The following WWP2 variants were observed in gnomAD, a reference collection of about 807,000 sequenced individuals.
WWP2 encodes WW domain containing E3 ubiquitin protein ligase 2.
A neutral mutation model predicts 121.0 loss-of-function variants in WWP2; 57 were observed. The ratio of observed to expected loss-of-function variants is 0.47; its 90% CI spans 0.38 to 0.59. The LOEUF is 0.59. Among genes scored for constraint, WWP2 ranks in the 20% least tolerant of loss-of-function variants. The probability of loss-of-function intolerance (pLI) is 0.00; values close to 1 mark genes in which losing one functional copy is unlikely to be tolerated. For synonymous variants in WWP2, 449 were observed against 441.3 expected, an observed-to-expected ratio of 1.02 and a Z score of -0.22; for missense variants, 962 against 1,158.9, an observed-to-expected ratio of 0.83 and a Z score of 2.47.
At chr16:69,855,393 G>C (rs949997001) in intron 6 of WWP2, among the ~76,000 whole-genome samples, 2 of 152,066 alleles carry the variant, frequency 1.3e-5, no homozygotes, top group Admixed American at 1.3e-4. Context: ...AAGCCCCCCT[G>C]ACCTGTCTGC....
chr16:69,779,943 A>G (rs576815836), intron 1 of WWP2, among the ~76,000 whole-genome samples: 1 of 152,242 alleles, frequency 6.6e-6, no homozygotes, highest in African/African-American at 2.4e-5. Context: ...TGAAGATAAC[A>G]AACAGTCATA....
chr16:69,775,401 G>A (rs2055503918), intron 1 of WWP2, among the ~76,000 whole-genome samples: 1 of 152,092 alleles, frequency 6.6e-6, no homozygotes, highest in Non-Finnish European at 1.5e-5. Context: ...CATGTTTTGG[G>A]GTAAGGTATC....
chr16:69,846,069 A>AAAAAAAAAAC, intron 6 of WWP2, among the ~76,000 whole-genome samples: 1 of 150,182 alleles, frequency 6.7e-6, no homozygotes, highest in Non-Finnish European at 1.5e-5. Flanking sequence ...AAAAAAAAAA[A>AAAAAAAAAAC]AGAATACTTA....
At chr16:69,917,947 C>G in intron 10 of WWP2, 64 bp downstream of exon 10, 1 of 1,566,984 alleles carries the variant, frequency 6.4e-7, no homozygotes. Flanking sequence ...TGTGCAGCCA[C>G]GTGTTCTCTG....
intron 4 of WWP2, among the ~76,000 whole-genome samples, chr16:69,826,571 C>CAA (rs762732099): frequency 7.0e-4 from 26 of 37,020 alleles, no homozygotes; most frequent in East Asian, 1.6e-3. Context: ...GACTCCGTCT[C>CAA]AAAAAAAAAA....
chr16:69,887,409 T>G (rs796704518), intron 7 of WWP2, among the ~76,000 whole-genome samples: 12 of 152,218 alleles, frequency 7.9e-5, no homozygotes, highest in African/African-American at 2.4e-4. Context: ...ACACTTTTTT[T>G]TTTTGAGACA....
intron 9 of WWP2, among the ~76,000 whole-genome samples, chr16:69,913,223 G>T (rs1418984058): frequency 2.0e-5 from 3 of 150,512 alleles, no homozygotes; most frequent in Non-Finnish European, 4.4e-5. Flanking sequence ...AGTAGAGATG[G>T]GGTTTCACCA....
intron 7 of WWP2, among the ~76,000 whole-genome samples, chr16:69,875,160 T>G (rs1190583712): frequency 6.6e-6 from 1 of 152,258 alleles, no homozygotes; most frequent in East Asian, 1.9e-4. Context: ...GCAAGTCACA[T>G]GAATTTTTTG....
At position 69,909,203 on chromosome 16, in the gene WWP2, G is replaced by A. The variant is rs146373988; in HGVS notation, c.1004+353G>A. The A allele has an allele frequency of 9.4e-4, 954 of 1,015,864 alleles. 12 individuals carry two copies. In the African/African-American group the frequency reaches 0.015, roughly 16 times the overall value. 62.9% of individuals were successfully genotyped at this position (1,015,864 alleles called of 1,614,324 possible). On this transcript the variant is annotated intron_variant, in intron 9 of 23. Coordinates refer to ENST00000359154, the MANE Select transcript of WWP2 (RefSeq NM_001270454.2). ...TTATCCAAAACCAAAGGATGAGAGAGGCTTCCAAGAGAGGGAAGACTGTCC... is the reference window on the plus strand; with the variant it reads ...TTATCCAAAACCAAAGGATGAGAGAAGCTTCCAAGAGAGGGAAGACTGTCC...
At chr16:69,855,257 T>C (rs1195422172) in intron 6 of WWP2, among the ~76,000 whole-genome samples, 2 of 152,264 alleles carry the variant, frequency 1.3e-5, no homozygotes, top group Non-Finnish European at 2.9e-5. Flanking sequence ...CCTTAACTTA[T>C]TGAAAATATA....
intron 1 of WWP2, among the ~76,000 whole-genome samples, chr16:69,769,795 T>G (rs558667341): frequency 1.3e-5 from 2 of 152,100 alleles, no homozygotes; most frequent in East Asian, 3.9e-4. Context: ...TATGATTTTG[T>G]GAAATATATA....
intron 6 of WWP2, among the ~76,000 whole-genome samples, chr16:69,858,691 T>C (rs1168552944): frequency 6.6e-6 from 1 of 152,132 alleles, no homozygotes; most frequent in Non-Finnish European, 1.5e-5. Flanking sequence ...AAGGTTAGTA[T>C]TGGAATCAGA....
intron 8 of WWP2, among the ~76,000 whole-genome samples, chr16:69,904,461 T>G (rs1306353229): frequency 6.6e-6 from 1 of 151,820 alleles, no homozygotes; most frequent in Non-Finnish European, 1.5e-5. Flanking sequence ...CTCCAACTCC[T>G]GGGCTCAAGT....
At chr16:69,784,289 G>A (rs1485311204) in intron 1 of WWP2, among the ~76,000 whole-genome samples, 2 of 151,790 alleles carry the variant, frequency 1.3e-5, no homozygotes, top group East Asian at 1.9e-4. Flanking sequence ...TAGTAGAGAC[G>A]AGGTTTCACC....
Position 69,937,086 on chromosome 16 carries a change from A to T in WWP2, c.2118-32A>T. On this transcript the variant is annotated intron_variant, in intron 19 of 23. Transcript: ENST00000359154. This position sits in a 1 kb window ranked among gnomAD's most constrained non-coding sequence, Gnocchi z 6.6. ...GAGCCACCCCTGAGCAGTGGGTCTC[A>T]GACTCCACCCATGGCTGCTCTTTGG... 6.2e-7 allele frequency: 1 copy of T among 1,611,080 alleles called. No homozygotes were observed. Among genetic ancestry groups the T allele is most frequent in the Non-Finnish European group, 8.5e-7 (1 of 1,178,250 alleles).
chr16:69,830,982 T>A (rs2056783823), intron 4 of WWP2, among the ~76,000 whole-genome samples: 1 of 152,148 alleles, frequency 6.6e-6, no homozygotes, highest in South Asian at 2.1e-4. Context: ...ATGTGTAGAA[T>A]GAACACGGGC....
intron 1 of WWP2, among the ~76,000 whole-genome samples, chr16:69,784,162 T>C (rs1473240798): frequency 4.2e-5 from 6 of 141,814 alleles, no homozygotes; most frequent in Non-Finnish European, 9.0e-5. Flanking sequence ...TGCAGTGGCA[T>C]GATCTCGGCG....
chr16:69,936,526 C>A, intron 19 of WWP2, 74 bp downstream of exon 19: 1 of 1,591,390 alleles, frequency 6.3e-7, no homozygotes, highest in Non-Finnish European at 8.6e-7. Context: ...AAAGATGGGC[C>A]CCCACCTGTG....
intron 1 of WWP2, among the ~76,000 whole-genome samples, chr16:69,776,655 C>T (rs13332047): frequency 0.011 from 1,723 of 152,034 alleles, 29 homozygotes; most frequent in African/African-American, 0.04. Flanking sequence ...GGAGAAACCC[C>T]GTCTCTACTA....
Sources: gnomAD v4.1 joint callset for allele counts (sites outside exome capture counted in the v4.1 genomes callset) on GRCh38, gnomAD v4.1.1 for gene constraint, Gnocchi (gnomAD v3.1) non-coding constraint, MANE v1.5 for transcripts, NCBI Gene and HGNC (gene_info 2026-07-23, HGNC 2026-07-21) for gene names.